Variants in PDE1C observed in about 807,000 individuals in gnomAD.
PDE1C encodes the protein phosphodiesterase 1C.
In PDE1C, 62 loss-of-function variants were observed where a neutral mutation model predicts 93.1. The observed-to-expected ratio is 0.67, with a 90% CI of 0.54 to 0.82. The LOEUF (loss-of-function observed/expected upper bound fraction) is 0.82. Among genes scored for constraint, PDE1C ranks in the 40% least tolerant of loss-of-function variants. The pLI is 0.00. For synonymous variants in PDE1C, 325 were observed against 310.1 expected, an observed-to-expected ratio of 1.05 and a Z score of -0.50; for missense variants, 742 against 884.6, an observed-to-expected ratio of 0.84 and a Z score of 2.04.
At chr7:32,182,548 C>G (rs1005918303) in intron 2 of PDE1C, among the ~76,000 whole-genome samples, 1 of 152,154 alleles carries the variant, frequency 6.6e-6, no homozygotes, top group East Asian at 1.9e-4. Context: ...ATGATAAAAA[C>G]CACATGGTTA....
intron 2 of PDE1C, among the ~76,000 whole-genome samples, chr7:32,175,474 T>C (rs779007770): frequency 3.4e-4 from 52 of 152,228 alleles, no homozygotes; most frequent in Admixed American, 2.0e-4. Context: ...ATCTTTTTGC[T>C]GGTGGAGAAT....
At chr7:31,733,239 T>C in the PDE1C span, among the ~76,000 whole-genome samples, 2 of 152,274 alleles carry the variant, frequency 1.3e-5, no homozygotes, top group East Asian at 1.9e-4. Context: ...CGGCCCATGA[T>C]TGAGGTGGTG....
intron 3 of PDE1C, among the ~76,000 whole-genome samples, chr7:32,166,989 C>G (rs560866247): frequency 3.3e-4 from 50 of 152,288 alleles, no homozygotes; most frequent in Admixed American, 5.9e-4. Flanking sequence ...TTCTTCATCT[C>G]TAAAATGGAC....
At chr7:32,231,642 G>C (rs1431999746) in intron 1 of PDE1C, among the ~76,000 whole-genome samples, 1 of 152,110 alleles carries the variant, frequency 6.6e-6, no homozygotes. Flanking sequence ...CTGCACCAGA[G>C]AAAAACTGCT....
At chr7:32,003,663 T>C (rs890603276) in intron 2 of PDE1C, among the ~76,000 whole-genome samples, 4 of 152,190 alleles carry the variant, frequency 2.6e-5, no homozygotes, top group African/African-American at 7.2e-5. Flanking sequence ...AGTCATTCAA[T>C]CCAACCTCAT....
At chr7:32,199,399 T>C (rs1804847996) in intron 2 of PDE1C, among the ~76,000 whole-genome samples, 1 of 152,222 alleles carries the variant, frequency 6.6e-6, no homozygotes. Context: ...TGGTCTTTCA[T>C]TCTGAACTCC....
the PDE1C span, among the ~76,000 whole-genome samples, chr7:31,731,096 C>T: frequency 6.6e-6 from 1 of 151,804 alleles, no homozygotes; most frequent in Non-Finnish European, 1.5e-5. Context: ...CAAGAAGAGA[C>T]TTTGAATGTT....
At chr7:31,968,423 A>T (rs1353508630) in intron 2 of PDE1C, among the ~76,000 whole-genome samples, 1 of 152,086 alleles carries the variant, frequency 6.6e-6, no homozygotes, top group South Asian at 2.1e-4. Context: ...GACCTCTTCA[A>T]GGAGAACTAC....
chr7:32,331,754 A>G (rs1456979272), intron 1 of PDE1C, among the ~76,000 whole-genome samples: 2 of 152,200 alleles, frequency 1.3e-5, no homozygotes, highest in African/African-American at 4.8e-5. Flanking sequence ...GGAGGAGAGA[A>G]AAAGGGAAAT....
At chr7:31,698,338 G>T in the PDE1C span, among the ~76,000 whole-genome samples, 2 of 152,142 alleles carry the variant, frequency 1.3e-5, no homozygotes, top group South Asian at 2.1e-4. Flanking sequence ...TTCTGTCCTT[G>T]TTCCTCCACC....
intron 1 of PDE1C, among the ~76,000 whole-genome samples, chr7:32,341,180 T>TA (rs1562682213): frequency 3.6e-5 from 4 of 112,512 alleles, no homozygotes; most frequent in African/African-American, 9.6e-5. Flanking sequence ...AGTCTTTTTT[T>TA]TTTTTTTTTT....
At chr7:32,110,522 AG>A (rs151153050) in intron 3 of PDE1C, among the ~76,000 whole-genome samples, 3,273 of 152,254 alleles carry the variant, frequency 0.021, 123 homozygotes, top group African/African-American at 0.076. Context: ...GACTAACCTC[AG>A]TCTATGCACC....
chr7:31,719,614 A>G, the PDE1C span, among the ~76,000 whole-genome samples: 1 of 152,144 alleles, frequency 6.6e-6, no homozygotes, highest in African/African-American at 2.4e-5. Flanking sequence ...CTCCCCAGCC[A>G]CACGATTCTC....
chr7:32,147,039 T>C (rs1245470857), intron 3 of PDE1C, among the ~76,000 whole-genome samples: 1 of 151,680 alleles, frequency 6.6e-6, no homozygotes, highest in Non-Finnish European at 1.5e-5. Context: ...AGATATATAC[T>C]AAATCCCCAC....
At chr7:31,837,834 T>C (rs1048828827) in intron 10 of PDE1C, 36 bp downstream of exon 10, 1 of 1,414,872 alleles carries the variant, frequency 7.1e-7, no homozygotes, top group Non-Finnish European at 1.0e-6. Flanking sequence ...TTCAAACACC[T>C]ATACAAACAA....
the PDE1C span, among the ~76,000 whole-genome samples, chr7:31,679,029 G>A: frequency 6.6e-6 from 1 of 152,090 alleles, no homozygotes; most frequent in Non-Finnish European, 1.5e-5. Flanking sequence ...CTTAGTCTAC[G>A]GCACCAATCC....
intron 1 of PDE1C, among the ~76,000 whole-genome samples, chr7:32,258,685 T>C (rs560730794): frequency 6.6e-6 from 1 of 152,272 alleles, no homozygotes; most frequent in Admixed American, 6.5e-5. Flanking sequence ...GGCTAAGACA[T>C]GGAAACTCCA....
At chr7:32,113,388 A>C (rs1184585100) in intron 3 of PDE1C, among the ~76,000 whole-genome samples, 1 of 149,590 alleles carries the variant, frequency 6.7e-6, no homozygotes, top group Non-Finnish European at 1.5e-5. Flanking sequence ...GTCTGTCTAC[A>C]TGTGAATCCA....
chr7:31,997,533 T>TG (rs1784873531), intron 2 of PDE1C, among the ~76,000 whole-genome samples: 2 of 152,166 alleles, frequency 1.3e-5, no homozygotes, highest in African/African-American at 2.4e-5. Flanking sequence ...TTGGAGAACC[T>TG]GGGGGGATGG....
Sources: gnomAD v4.1 joint callset for allele counts (sites outside exome capture counted in the v4.1 genomes callset) on GRCh38, gnomAD v4.1.1 for gene constraint, MANE v1.5 for transcripts, NCBI Gene and HGNC (gene_info 2026-07-23, HGNC 2026-07-21) for gene names.